Variants in NLRP14 observed in about 807,000 individuals in gnomAD.
NLRP14 encodes NLR family pyrin domain containing 14.
A neutral mutation model predicts 94.7 loss-of-function variants in NLRP14; 105 were observed. The observed-to-expected ratio is 1.11, with a 90% CI of 0.95 to 1.30. NLRP14 has a LOEUF of 1.30. Among genes scored for constraint, NLRP14 ranks in the 50% most tolerant of loss-of-function variants. NLRP14 has a pLI of 0.00. For missense variants in NLRP14, 1,362 were observed against 1,254.1 expected (o/e 1.09, Z -1.30); for synonymous variants, 508 against 459.9 (o/e 1.10, Z -1.34).
intron 5 of NLRP14, among the ~76,000 whole-genome samples, chr11:7,049,140 TTGAC>T (rs946985496): frequency 3.9e-4 from 60 of 152,114 alleles, no homozygotes; most frequent in Admixed American, 1.6e-3. Context: ...ATATCTGACA[TTGAC>T]TGAGTTAGGA....
At position 7,055,153 on chromosome 11, in the gene NLRP14, A is replaced by G. The variant is rs137900317; in HGVS notation, c.2292-2524A>G. 7.3e-3 allele frequency among the ~76,000 whole-genome samples: 1,117 copies of G among 152,210 alleles called. 12 individuals are homozygous for G. Among genetic ancestry groups the G allele is most frequent in the African/African-American group, 0.02 (825 of 41,540 alleles). On this transcript the variant is annotated intron_variant, in intron 6 of 11. Coordinates refer to ENST00000299481, the MANE Select transcript of NLRP14 (RefSeq NM_176822.4). Reference sequence around the variant, plus strand: ...ATCCCTGCATGTTGTATTTTTATTTATCATTGTGGTAAAACCAAAATCTCA... The same window carrying G: ...ATCCCTGCATGTTGTATTTTTATTTGTCATTGTGGTAAAACCAAAATCTCA...
chr11:7,041,424 C>G (rs1473131048), intron 3 of NLRP14, among the ~76,000 whole-genome samples: 5 of 152,084 alleles, frequency 3.3e-5, no homozygotes, highest in Admixed American at 6.5e-5. Flanking sequence ...AAAGTTTGTT[C>G]ATCTTTTTTC....
chr11:7,089,178 G>T, the NLRP14 span: 2 of 1,613,998 alleles, frequency 1.2e-6, no homozygotes, highest in South Asian at 1.1e-5. Flanking sequence ...CCTCGAAACC[G>T]ACGAGAAAGC....
chr11:7,089,624 C>T, the NLRP14 span: 15 of 1,244,942 alleles, frequency 1.2e-5, 1 homozygote, highest in African/African-American at 8.0e-5. Context: ...CGCCGTCGGG[C>T]CCGGCTCGCA....
chr11:7,053,591 C>A (rs549637862), intron 6 of NLRP14, among the ~76,000 whole-genome samples: 18 of 151,458 alleles, frequency 1.2e-4, no homozygotes, highest in African/African-American at 3.4e-4. Context: ...GTTTTGTGGT[C>A]TAAAAAGCCA....
At position 7,070,313 on chromosome 11, in the gene NLRP14, C is replaced by T. The variant is rs1415823693; in HGVS notation, c.3003C>T (p.Leu1001=). The T allele has an allele frequency of 6.2e-7, 1 of 1,611,674 alleles. No homozygotes were observed. Among genetic ancestry groups the T allele is most frequent in the Admixed American group, 1.7e-5 (1 of 60,018 alleles). ...LGLEYCGLTS[L]CCQDLSSALI... ...TGGAATACTGTGGTTTGACATCTCT[C>T]TGCTGTCAAGATCTCTCCTCTGCTC... The change falls in exon 11 of 12, where the codon CTC becomes CTT. Residue 1001 remains leucine (L), a synonymous_variant. Coordinates refer to ENST00000299481, the MANE Select transcript of NLRP14 (RefSeq NM_176822.4).
In NLRP14 at chr11:7,042,437, T is replaced by C; in HGVS notation, c.411T>C (p.Thr137=). The change falls in exon 4 of 12, where the codon ACT becomes ACC. Residue 137 remains threonine, a synonymous_variant. Coordinates refer to ENST00000299481, the MANE Select transcript of NLRP14 (RefSeq NM_176822.4). ...RNRIKEKFCI[T]WDKKSLAGKP... is the part of the protein sequence containing the mutation. ...GAATAAAGGAAAAATTTTGCATCAC[T>C]TGGGACAAGAAGTCTTTGGCTGGAA... 3 of 1,614,052 alleles carry C rather than the reference T, an allele frequency of 1.9e-6. No individual in the cohort carries two copies. Among genetic ancestry groups the C allele is most frequent in the South Asian group, 1.1e-5 (1 of 91,084 alleles).
chr11:7,029,531 C>T (rs960933373), intron 1 of NLRP14, among the ~76,000 whole-genome samples: 14 of 152,172 alleles, frequency 9.2e-5, no homozygotes, highest in Admixed American at 2.6e-4. Flanking sequence ...GATCTTTGCG[C>T]TCAGCAAACC....
intron 7 of NLRP14, 149 bp downstream of exon 7, chr11:7,057,996 T>C: frequency 5.5e-6 from 4 of 732,332 alleles, no homozygotes; most frequent in Non-Finnish European, 9.8e-6. Flanking sequence ...CCCCTTCTCT[T>C]CCTCTACTTC....
chr11:7,070,503 G>GCTCCCCAAATCCCTC, intron 11 of NLRP14, 47 bp downstream of exon 11: 1 of 1,378,620 alleles, frequency 7.3e-7, no homozygotes, highest in Non-Finnish European at 1.0e-6. Flanking sequence ...TATAATGAGG[G>GCTCCCCAAATCCCTC]ATTTGGGGAG....
At position 7,057,788 on chromosome 11, in the gene NLRP14, T is replaced by C. The variant is rs1852540169; in HGVS notation, c.2403T>C (p.Asp801=). 2 of 1,611,724 alleles carry C rather than the reference T, an allele frequency of 1.2e-6. No individual in the cohort carries two copies. Among genetic ancestry groups the C allele is most frequent in the Non-Finnish European group, 1.7e-6 (2 of 1,177,896 alleles). Reference sequence around the variant, plus strand: ...TGTCAACCAATAATCTGTTGGATGATGGAGTGCAGCTTTTGTGTGAGGCCT... The same window carrying C: ...TGTCAACCAATAATCTGTTGGATGACGGAGTGCAGCTTTTGTGTGAGGCCT... ...LNLSTNNLLD[D]GVQLLCEALR... is the part of the protein sequence containing the mutation. Residue 801 remains aspartate (D), a synonymous_variant, in exon 7 of 12, where the codon GAT becomes GAC. Coordinates refer to ENST00000299481, the MANE Select transcript of NLRP14 (RefSeq NM_176822.4).
intron 6 of NLRP14, among the ~76,000 whole-genome samples, chr11:7,054,613 A>G (rs12421785): frequency 0.038 from 5,740 of 152,136 alleles, 157 homozygotes; most frequent in East Asian, 0.13. Context: ...AGAAATATCT[A>G]TTCAGATCTC....
chr11:7,046,590 C>G (rs759369567), intron 4 of NLRP14, 78 bp from the exon 5 acceptor site: 1 of 1,353,768 alleles, frequency 7.4e-7, no homozygotes, highest in Non-Finnish European at 1.1e-6. Flanking sequence ...TACTTTTACT[C>G]CAATACTATC....
intron 1 of NLRP14, among the ~76,000 whole-genome samples, chr11:7,023,510 G>GTATTAATATATAAAATATATTTATATTTA (rs1851973476): frequency 7.9e-6 from 1 of 126,914 alleles, no homozygotes; most frequent in African/African-American, 2.7e-5. Flanking sequence ...AAAAATTTAT[G>GTATTAATATATAAAATATATTTATATTTA]TATTAATATA....
intron 4 of NLRP14, among the ~76,000 whole-genome samples, chr11:7,045,855 A>G (rs925861248): frequency 6.6e-6 from 1 of 151,992 alleles, no homozygotes; most frequent in Non-Finnish European, 1.5e-5. Context: ...GAATTTTCAC[A>G]GTTGTCCTAA....
At chr11:7,065,713 C>CT (rs944128043) in intron 10 of NLRP14, among the ~76,000 whole-genome samples, 2 of 151,604 alleles carry the variant, frequency 1.3e-5, no homozygotes, top group African/African-American at 2.4e-5. Flanking sequence ...TATTCTTTTT[C>CT]TTTTTTTTAA....
In NLRP14 at chr11:7,038,554, T is replaced by G; in HGVS notation, c.-21-12T>G. ...TTCCATGTGCTTTTGGTTATTTTTT[T>G]TCCCCCCACAGAGGCCTGAATATTT... On this transcript the variant is annotated splice_polypyrimidine_tract_variant and intron_variant, in intron 1 of 11. Transcript: ENST00000299481. 1 of 1,607,584 alleles carries G rather than the reference T, an allele frequency of 6.2e-7. No homozygotes were observed. Among genetic ancestry groups the G allele is most frequent in the Non-Finnish European group, 8.5e-7 (1 of 1,175,494 alleles).
At chr11:7,075,307 T>C (rs907340736), downstream of NLRP14, among the ~76,000 whole-genome samples, 4 of 152,236 alleles carry the variant, frequency 2.6e-5, no homozygotes, top group African/African-American at 9.6e-5. Flanking sequence ...AGTATTAAAA[T>C]TTTTGAAAAT....
At chr11:7,078,171 G>C in the NLRP14 span, among the ~76,000 whole-genome samples, 1 of 152,100 alleles carries the variant, frequency 6.6e-6, no homozygotes, top group African/African-American at 2.4e-5. Context: ...GGGTGCGGTG[G>C]CTCATGCCTG....
Sources: allele counts gnomAD v4.1 joint callset (sites outside exome capture counted in the v4.1 genomes callset), GRCh38; gene constraint gnomAD v4.1.1; transcripts MANE v1.5; gene names NCBI Gene and HGNC (gene_info 2026-07-23, HGNC 2026-07-21).